The following FAIM variants were observed in gnomAD, a reference collection of about 807,000 sequenced individuals.
FAIM encodes fas apoptotic inhibitory molecule 1.
A neutral mutation model predicts 21.2 loss-of-function variants in FAIM; 14 were observed. That is an observed-to-expected ratio of 0.66 (90% confidence interval 0.44 to 1.03). The LOEUF is 1.03. FAIM is among the 50% of genes least tolerant of loss of function. FAIM has a pLI of 0.00. For missense variants in FAIM, 222 were observed against 247.1 expected (o/e 0.90, Z 0.68); for synonymous variants, 86 against 80.4 (o/e 1.07, Z -0.37).
chr3:138,623,173 C>T (rs1005354158), intron 4 of FAIM, among the ~76,000 whole-genome samples: 1 of 152,010 alleles, frequency 6.6e-6, no homozygotes, highest in Non-Finnish European at 1.5e-5. Context: ...TAACAATAGG[C>T]TTAGGACTGC....
At chr3:138,620,864 T>G (rs1007916670) in intron 2 of FAIM, among the ~76,000 whole-genome samples, 1 of 152,216 alleles carries the variant, frequency 6.6e-6, no homozygotes, top group Admixed American at 6.5e-5. Flanking sequence ...TTAAAAATTA[T>G]TTTTATCTTT....
chr3:138,609,614 ACTCTCT>A lies in FAIM; in HGVS notation c.-17+699_-17+704del, dbSNP rs1211208979. On this transcript the variant is annotated intron_variant, in intron 1 of 5. Transcript: ENST00000360570. ...CTCGACTCTCTCTCTCTCTCTCTCG[ACTCTCT>A]CTCTCTCTCTCTCTCTCTCTCGACT... 9.2e-3 allele frequency among the ~76,000 whole-genome samples: 235 copies of A among 25,416 alleles called. 3 individuals carry two copies. The highest frequency in any genetic ancestry group is 0.016 in the East Asian group (14 of 874). 16.7% of individuals were successfully genotyped at this position (25,416 alleles called of 152,430 possible).
chr3:138,630,237 C>G (rs2042990795), intron 5 of FAIM: 1 of 152,072 alleles, frequency 6.6e-6, no homozygotes, highest in African/African-American at 2.4e-5. Context: ...GAAAGGAGGT[C>G]TGGGATTAAT....
intron 1 of FAIM, among the ~76,000 whole-genome samples, chr3:138,609,535 T>A (rs67141870): frequency 0.6 from 18,157 of 30,268 alleles, 4,132 homozygotes; most frequent in South Asian, 0.67. Flanking sequence ...GTGCTGAAAC[T>A]CTCTCTCTCT....
Position 138,633,031 on chromosome 3 carries a change from T to G in FAIM, c.558T>G (p.Ile186Met). Residue 186 changes from isoleucine to methionine, a missense_variant, in exon 6 of 6, where the codon ATT (isoleucine) becomes ATG (methionine). Transcript: ENST00000360570. ...GTGGGAAGCGGAAAGAAGGGATTAT[T>G]CATACTCTCATTGTGGATAATAGAG... is the stretch of plus-strand genomic sequence containing the variant. The part of the protein sequence containing the change: ...VSSGKRKEGI[I>M]HTLIVDNREI... 6.2e-7 allele frequency: 1 copy of G among 1,613,846 alleles called. No individual in the cohort carries two copies. The highest frequency in any genetic ancestry group is 8.5e-7 in the Non-Finnish European group (1 of 1,179,838).
intron 1 of FAIM, chr3:138,609,291 C>A (rs1287112757): frequency 6.6e-6 from 1 of 151,622 alleles, no homozygotes; most frequent in African/African-American, 2.4e-5. Context: ...GGCGTCCCTG[C>A]CTAGCGAGGC....
chr3:138,617,995 G>A (rs559115379), intron 1 of FAIM, among the ~76,000 whole-genome samples: 4 of 148,228 alleles, frequency 2.7e-5, no homozygotes, highest in Non-Finnish European at 5.9e-5. Flanking sequence ...CCTGTTTTGA[G>A]ACAGGGTCTC....
chr3:138,633,344 T>C lies in FAIM; in HGVS notation c.*265T>C, dbSNP rs961471765. On this transcript the variant is annotated 3_prime_UTR_variant, in exon 6 of 6. Transcript: ENST00000360570. ...CAAAGTCACTAATGTTTTACAACAGTAACCTTTACTATAATAAATACTTTT... is the reference window on the plus strand; with the variant it reads ...CAAAGTCACTAATGTTTTACAACAGCAACCTTTACTATAATAAATACTTTT... The C allele has an allele frequency of 1.7e-5, 4 of 233,456 alleles. No homozygotes were observed. The highest frequency in any genetic ancestry group is 2.5e-5 in the Non-Finnish European group (3 of 120,006). The allele number at this position is 233,456 out of a possible 1,614,324, so 14.5% of individuals were successfully genotyped here. A position where few individuals can be genotyped will look rare whatever the true frequency, so the allele number is the denominator to read the frequency against.
chr3:138,626,200 A>G (rs2042937718), intron 4 of FAIM, among the ~76,000 whole-genome samples: 1 of 152,224 alleles, frequency 6.6e-6, no homozygotes, highest in Non-Finnish European at 1.5e-5. Context: ...AACTCCCATG[A>G]GTCACTAAAT....
At position 138,618,951 on chromosome 3, in the gene FAIM, T is replaced by G. The variant is rs182584999; in HGVS notation, c.-16-760T>G. On this transcript the variant is annotated intron_variant, in intron 1 of 5. Transcript: ENST00000360570. ...CACTTCTGATTTTAGTACAGCTTAA[T>G]TAACACTGCAGCCCAGTTACTGTTT... 1.7e-3 allele frequency among the ~76,000 whole-genome samples: 266 copies of G among 152,364 alleles called. 1 individual carries two copies. Among genetic ancestry groups the G allele is most frequent in the Non-Finnish European group, 2.9e-3 (199 of 68,034 alleles).
At chr3:138,621,932 G>A (rs2042890597) in intron 3 of FAIM, among the ~76,000 whole-genome samples, 1 of 152,060 alleles carries the variant, frequency 6.6e-6, no homozygotes, top group African/African-American at 2.4e-5. Flanking sequence ...ACAGGCACCT[G>A]CCATTACGCC....
intron 4 of FAIM, among the ~76,000 whole-genome samples, chr3:138,622,999 C>T (rs901952493): frequency 4.7e-5 from 7 of 149,256 alleles, no homozygotes; most frequent in Non-Finnish European, 8.9e-5. Context: ...GAGATCGCAC[C>T]ACTGCATTCC....
intron 1 of FAIM, among the ~76,000 whole-genome samples, chr3:138,612,003 A>G (rs981447542): frequency 6.6e-6 from 1 of 151,954 alleles, no homozygotes; most frequent in African/African-American, 2.4e-5. Flanking sequence ...CCCCATTCCC[A>G]GGGAACATCT....
At position 138,621,390 on chromosome 3, in the gene FAIM, T is replaced by A; in HGVS notation, c.45-17T>A. The A allele has an allele frequency of 6.2e-7, 1 of 1,612,204 alleles. No individual in the cohort carries two copies. The stretch of plus-strand genomic sequence containing the variant: ...AGTATTTTGGCCTACTATAATTGCT[T>A]TATTTTATTCCTTTAGCCCTCCTTA... On this transcript the variant is annotated splice_polypyrimidine_tract_variant and intron_variant, in intron 2 of 5. Transcript: ENST00000360570.
chr3:138,629,069 C>T (rs1370458052), intron 4 of FAIM, 38 bp from the exon 5 acceptor site: 1 of 1,472,968 alleles, frequency 6.8e-7, no homozygotes, highest in Non-Finnish European at 9.4e-7. Flanking sequence ...CTTTAAATCA[C>T]AGAATTATAA....
chr3:138,614,645 TAA>T (rs1181382002), intron 1 of FAIM, among the ~76,000 whole-genome samples: 1 of 152,056 alleles, frequency 6.6e-6, no homozygotes, highest in Non-Finnish European at 1.5e-5. Context: ...TAGAAAAATT[TAA>T]AAGACATGTA....
intron 4 of FAIM, among the ~76,000 whole-genome samples, chr3:138,627,726 A>G (rs1234863650): frequency 6.6e-6 from 1 of 152,146 alleles, no homozygotes; most frequent in Non-Finnish European, 1.5e-5. Flanking sequence ...GCAGCTTTCT[A>G]TGAAGGCTGC....
At chr3:138,619,842 A>G in intron 2 of FAIM, 72 bp downstream of exon 2, 1 of 1,357,960 alleles carries the variant, frequency 7.4e-7, no homozygotes, top group South Asian at 1.2e-5. Context: ...AGAGTGATTT[A>G]TCCAAGATAC....
intron 4 of FAIM, among the ~76,000 whole-genome samples, chr3:138,628,538 G>A (rs2042965624): frequency 6.6e-6 from 1 of 151,752 alleles, no homozygotes. Context: ...AGGCTAGAGT[G>A]CAGTGGTGCG....
Sources: gnomAD v4.1 joint callset for allele counts (sites outside exome capture counted in the v4.1 genomes callset) on GRCh38, gnomAD v4.1.1 for gene constraint, MANE v1.5 for transcripts, NCBI Gene and HGNC (gene_info 2026-07-23, HGNC 2026-07-21) for gene names.